WNT7B: variants seen among roughly 807,000 people sequenced by gnomAD.
WNT7B encodes the protein protein Wnt-7b.
Under a neutral mutation model 38.2 loss-of-function variants are expected in WNT7B, and 19 were observed. The observed-to-expected ratio is 0.50, with a 90% confidence interval of 0.35 to 0.73. The LOEUF (loss-of-function observed/expected upper bound fraction) is 0.73. WNT7B is among the 30% of genes least tolerant of loss of function. The pLI is 0.01. For missense variants in WNT7B, 423 were observed against 507.9 expected, an observed-to-expected ratio of 0.83 and a Z score of 1.61; for synonymous variants, 243 against 209.3, an observed-to-expected ratio of 1.16 and a Z score of -1.39.
chr22:45,949,610 G>A (rs28452490), intron 2 of WNT7B, among the ~76,000 whole-genome samples: 2,356 of 152,330 alleles, frequency 0.015, 52 homozygotes, highest in African/African-American at 0.052. Flanking sequence ...GCACGGCACC[G>A]CTAGCACCAC....
chr22:45,953,212 C>T (rs1428294859), intron 1 of WNT7B, among the ~76,000 whole-genome samples: 7 of 55,794 alleles, frequency 1.3e-4, no homozygotes, highest in Non-Finnish European at 2.0e-4. Flanking sequence ...CTTCCCCTCA[C>T]AGTCACCGTG....
At position 45,975,333 on chromosome 22, in the gene WNT7B, C is replaced by T. The variant is rs929060415; in HGVS notation, c.71+1351G>A. Among the ~76,000 whole-genome samples the T allele has an allele frequency of 4.6e-5, 7 of 152,216 alleles. No homozygotes were observed. The highest frequency in any genetic ancestry group is 1.9e-4 in the East Asian group (1 of 5,168). ...AGAGCAGCCTGCCCACTCCACCCCC[C>T]GCCCAGCAGGCTCAATGCCCCGCAC... On this transcript the variant is annotated intron_variant, in intron 1 of 3. Coordinates refer to ENST00000339464, the MANE Select transcript of WNT7B (RefSeq NM_058238.3). The surrounding 1 kb of genome is among the most constrained non-coding windows in gnomAD (Gnocchi z 6.6).
intron 2 of WNT7B, among the ~76,000 whole-genome samples, chr22:45,934,323 C>A (rs1222598518): frequency 6.6e-6 from 1 of 152,136 alleles, no homozygotes; most frequent in Non-Finnish European, 1.5e-5. Context: ...GGCTATGCAG[C>A]CCCCAGGGAA....
At chr22:45,929,783 CCCACCGAT>C (rs1569111376) in intron 3 of WNT7B, among the ~76,000 whole-genome samples, 7 of 123,496 alleles carry the variant, frequency 5.7e-5, no homozygotes, top group East Asian at 2.5e-4. Context: ...CTTCCATCCA[CCCACCGAT>C]CCACTCAACC....
At chr22:45,972,116 GCCC>G in intron 1 of WNT7B, 2 of 530,744 alleles carry the variant, frequency 3.8e-6, no homozygotes, top group Admixed American at 8.3e-5. Context: ...CCCGGGGGGA[GCCC>G]ACCCGCCCAC....
At chr22:45,931,903 CCCCCAG>C (rs980479152) in intron 2 of WNT7B, among the ~76,000 whole-genome samples, 1 of 152,176 alleles carries the variant, frequency 6.6e-6, no homozygotes. Flanking sequence ...CTCGTCCCCA[CCCCCAG>C]CCAGGAACCC....
chr22:45,952,764 C>T (rs1299347871), intron 1 of WNT7B, among the ~76,000 whole-genome samples: 1 of 152,198 alleles, frequency 6.6e-6, no homozygotes, highest in Non-Finnish European at 1.5e-5. Context: ...GCCCTGGCTT[C>T]CCGCCACCAG....
chr22:45,928,378 C>T (rs1931162220), intron 3 of WNT7B, among the ~76,000 whole-genome samples: 1 of 152,240 alleles, frequency 6.6e-6, no homozygotes, highest in Non-Finnish European at 1.5e-5. Context: ...TCAGACCACG[C>T]TTGTGCCCCA....
chr22:45,977,128 A>G lies in WNT7B; in HGVS notation c.-374T>C. Reference sequence around the variant, plus strand: ...GCCTCGCCGAGCGCCGCGGCGGCCAATGTGTCCGCACTTGTCGGCCGCCCC... The same window carrying G: ...GCCTCGCCGAGCGCCGCGGCGGCCAGTGTGTCCGCACTTGTCGGCCGCCCC... On this transcript the variant is annotated 5_prime_UTR_variant, in exon 1 of 4. Transcript: ENST00000339464. 1.6e-6 allele frequency: 1 copy of G among 612,920 alleles called. No homozygotes were observed. The highest frequency in any genetic ancestry group is 2.0e-6 in the Non-Finnish European group (1 of 490,120). The allele number at this position is 612,920 out of a possible 1,614,324, so 38.0% of individuals were successfully genotyped here.
chr22:45,930,404 G>A (rs368241064), intron 3 of WNT7B, among the ~76,000 whole-genome samples: 17 of 148,364 alleles, frequency 1.1e-4, no homozygotes, highest in African/African-American at 2.9e-4. Flanking sequence ...AGCCGGAGCC[G>A]GCTGGGCGTT....
intron 3 of WNT7B, among the ~76,000 whole-genome samples, chr22:45,929,288 G>A (rs903195665): frequency 2.0e-5 from 3 of 152,140 alleles, no homozygotes; most frequent in Admixed American, 6.5e-5. Context: ...GCCTGTACCT[G>A]GAGACTAGTG....
chr22:45,974,580 A>T (rs1294930601), intron 1 of WNT7B, among the ~76,000 whole-genome samples: 1 of 152,010 alleles, frequency 6.6e-6, no homozygotes, highest in Non-Finnish European at 1.5e-5. Context: ...GAAATCCAGG[A>T]GGTGGGTGGG....
At chr22:45,924,846 C>G (rs1931030508) in intron 3 of WNT7B, among the ~76,000 whole-genome samples, 1 of 147,152 alleles carries the variant, frequency 6.8e-6, no homozygotes, top group Admixed American at 6.8e-5. Context: ...CTGGGTGGGC[C>G]CTAGAGTGGC....
At chr22:45,954,299 T>A (rs1232944749) in intron 1 of WNT7B, among the ~76,000 whole-genome samples, 1 of 152,204 alleles carries the variant, frequency 6.6e-6, no homozygotes, top group Non-Finnish European at 1.5e-5. Context: ...GTATGGAATT[T>A]CCATCTGGGG....
chr22:45,962,490 C>T (rs1932219019), intron 1 of WNT7B, among the ~76,000 whole-genome samples: 1 of 152,192 alleles, frequency 6.6e-6, no homozygotes, highest in African/African-American at 2.4e-5. Context: ...AGCAGCCAGG[C>T]AAGATTCCAG....
At chr22:45,929,176 C>T (rs1931202575) in intron 3 of WNT7B, among the ~76,000 whole-genome samples, 1 of 152,200 alleles carries the variant, frequency 6.6e-6, no homozygotes, top group South Asian at 2.1e-4. Flanking sequence ...CTTTCTCCTC[C>T]TCCTCCAGGG....
chr22:45,926,090 T>C, intron 3 of WNT7B: 2 of 985,278 alleles, frequency 2.0e-6, no homozygotes, highest in South Asian at 4.7e-5. Flanking sequence ...CATCCGCAAA[T>C]AAAGCCTACT....
At chr22:45,927,409 G>A (rs1340251231) in intron 3 of WNT7B, 1 of 1,534,610 alleles carries the variant, frequency 6.5e-7, no homozygotes, top group East Asian at 2.5e-5. Flanking sequence ...TGCCCATCAG[G>A]GACACCAGCC....
chr22:45,929,877 CATCTACCCACTCATCCACTCATCT>C (rs1931269686), intron 3 of WNT7B, among the ~76,000 whole-genome samples: 1 of 149,294 alleles, frequency 6.7e-6, no homozygotes, highest in Non-Finnish European at 1.5e-5. Flanking sequence ...TCCATCCAAC[CATCTACCCACTCATCCACTCATCT>C]ATCTACCCAT....
Sources: gnomAD v4.1 joint callset for allele counts (sites outside exome capture counted in the v4.1 genomes callset) on GRCh38, gnomAD v4.1.1 for gene constraint, Gnocchi (gnomAD v3.1) non-coding constraint, MANE v1.5 for transcripts, NCBI Gene and HGNC (gene_info 2026-07-23, HGNC 2026-07-21) for gene names.